DRC3: variants seen among roughly 807,000 people sequenced by gnomAD.
The protein encoded by DRC3 is leucine rich repeat containing 48.
Under a neutral mutation model 57.6 loss-of-function variants are expected in DRC3, and 45 were observed. The observed-to-expected ratio is 0.78, with a 90% CI of 0.62 to 1.00. The LOEUF (loss-of-function observed/expected upper bound fraction) is 1.00. Ranked by LOEUF, DRC3 falls within the 50% of genes least tolerant of loss-of-function variation. The probability of loss-of-function intolerance (pLI) is 0.00; values close to 1 mark genes in which losing one functional copy is unlikely to be tolerated. For missense variants in DRC3, 655 were observed against 675.2 expected (o/e 0.97, Z 0.33); for synonymous variants, 257 against 272.3 (o/e 0.94, Z 0.55).
At chr17:18,004,001 G>A (rs1256432852) in intron 9 of DRC3, among the ~76,000 whole-genome samples, 1 of 151,932 alleles carries the variant, frequency 6.6e-6, no homozygotes, top group African/African-American at 2.4e-5. Context: ...GGCATATTTT[G>A]GTGTGAAATG....
In DRC3 at chr17:18,016,083, C is replaced by T. The variant is rs78556652; in HGVS notation, c.1346C>T (p.Thr449Met). The T allele has an allele frequency of 6.3e-3, 10,215 of 1,613,872 alleles. 243 individuals carry two copies. The African/African-American group carries it at 0.072, about 11-fold the overall frequency. The change falls in exon 13 of 14, where the codon ACG (threonine) becomes ATG (methionine). Residue 449 changes from threonine (T) to methionine (M), a missense_variant. Physicochemically the swap from Thr to Met is moderately conservative, Grantham distance 81 (BLOSUM62 -1). Transcript: ENST00000399187. ...DLRALFVDKD[T>M]IVNAVGASHD... The stretch of plus-strand genomic sequence containing the variant: ...CACCAGCTTTTTGTCGATAAAGATA[C>T]GATTGTTAATGCTGTCGGGGCATCG...
chr17:18,001,434 T>TG (rs2043726424), intron 9 of DRC3, among the ~76,000 whole-genome samples: 2 of 151,978 alleles, frequency 1.3e-5, no homozygotes, highest in African/African-American at 4.8e-5. Flanking sequence ...ACCCAGGAGG[T>TG]GGAGGTTGCA....
At chr17:18,007,359 G>A in intron 12 of DRC3, 1 of 1,544,720 alleles carries the variant, frequency 6.5e-7, no homozygotes, top group Non-Finnish European at 8.8e-7. Context: ...CAGTTAAAGA[G>A]GAGCTCATGA....
At chr17:18,016,300 A>G (rs2044361484) in intron 13 of DRC3, 105 bp downstream of exon 13, 3 of 1,251,714 alleles carry the variant, frequency 2.4e-6, no homozygotes, top group Non-Finnish European at 3.4e-6. Context: ...AATGAAATGA[A>G]GGAAGAAATA....
Position 17,997,447 on chromosome 17 carries a change from A to C in DRC3, c.825-13A>C, listed in dbSNP as rs1354364823. ...TCCTGAAACAGCTGTGGGCTTCCTT[A>C]ACAGCCACTCACCTACAAGGACAAG... is the stretch of plus-strand genomic sequence containing the variant. On this transcript the variant is annotated splice_polypyrimidine_tract_variant and intron_variant, in intron 8 of 13. Coordinates refer to ENST00000399187, the MANE Select transcript of DRC3 (RefSeq NM_031294.4). 2 of 1,611,796 alleles carry C rather than the reference A, an allele frequency of 1.2e-6. No homozygotes were observed. The highest frequency in any genetic ancestry group is 2.2e-5 in the South Asian group (2 of 90,492).
chr17:17,988,435 G>A (rs2043065824), intron 5 of DRC3: 2 of 280,998 alleles, frequency 7.1e-6, no homozygotes, highest in East Asian at 9.9e-5. Flanking sequence ...AGAGACAGAC[G>A]AGATGTGGTC....
At chr17:17,986,934 C>T (rs183169222) in intron 4 of DRC3, among the ~76,000 whole-genome samples, 17 of 152,168 alleles carry the variant, frequency 1.1e-4, no homozygotes, top group African/African-American at 3.4e-4. Flanking sequence ...ACTTTTAGGC[C>T]GGACATGGTG....
At chr17:17,985,724 G>C (rs1419534743) in intron 4 of DRC3, among the ~76,000 whole-genome samples, 2 of 152,124 alleles carry the variant, frequency 1.3e-5, no homozygotes, top group Non-Finnish European at 2.9e-5. Context: ...TCAAATCAGG[G>C]GTTTTCCTCA....
At position 18,016,867 on chromosome 17, in the gene DRC3, T is replaced by C; in HGVS notation, c.*196T>C. The C allele has an allele frequency of 2.6e-6, 1 of 389,514 alleles. No individual in the cohort carries two copies. Among genetic ancestry groups the C allele is most frequent in the Non-Finnish European group, 4.4e-6 (1 of 226,190 alleles). The allele number at this position is 389,514 out of a possible 1,614,324, so 24.1% of individuals were successfully genotyped here. A position where few individuals can be genotyped will look rare whatever the true frequency, so the allele number is the denominator to read the frequency against. ...TAAAGGACTCATTTCACATTTCCCC[T>C]ACTCATAAAAAAAAAAAAAAAATCA... On this transcript the variant is annotated 3_prime_UTR_variant, in exon 14 of 14. Coordinates refer to ENST00000399187, the MANE Select transcript of DRC3 (RefSeq NM_031294.4).
intron 2 of DRC3, among the ~76,000 whole-genome samples, chr17:17,975,148 G>A (rs1455420412): frequency 6.6e-6 from 1 of 152,050 alleles, no homozygotes; most frequent in Non-Finnish European, 1.5e-5. Context: ...GATGAAGTAG[G>A]AGGGATAAGT....
intron 11 of DRC3, 56 bp downstream of exon 11, chr17:18,006,309 T>C (rs1465316506): frequency 3.1e-6 from 4 of 1,292,730 alleles, no homozygotes; most frequent in Non-Finnish European, 4.5e-6. Context: ...CCCCTGGGCT[T>C]GTCCCGGCCT....
intron 3 of DRC3, among the ~76,000 whole-genome samples, chr17:17,978,353 G>A (rs1286325916): frequency 2.6e-5 from 4 of 152,166 alleles, no homozygotes; most frequent in Non-Finnish European, 4.4e-5. Context: ...GCATTGGGTG[G>A]GGGGACAAGG....
At chr17:18,000,503 A>C (rs2043684710) in intron 9 of DRC3, among the ~76,000 whole-genome samples, 1 of 152,118 alleles carries the variant, frequency 6.6e-6, no homozygotes, top group South Asian at 2.1e-4. Flanking sequence ...GGTGAGCCAT[A>C]ATTATTTAGC....
chr17:18,003,006 G>A (rs868863135), intron 9 of DRC3, among the ~76,000 whole-genome samples: 9 of 152,182 alleles, frequency 5.9e-5, no homozygotes, highest in Admixed American at 3.3e-4. Context: ...TCAAGAAGCC[G>A]TTAGGGCCGA....
rs2044043214 is a variant in DRC3 at position 18,008,024 on chromosome 17, C to CT, written c.1326+878dup. ...CACCTTCTAGTGGCTTTCATGACCC[C>CT]TAGCGTCAGCTCCTCCCCATAGTCC... On this transcript the variant is annotated intron_variant, in intron 12 of 13. Coordinates refer to ENST00000399187, the MANE Select transcript of DRC3 (RefSeq NM_031294.4). This position sits in a 1 kb window ranked among gnomAD's most constrained non-coding sequence, Gnocchi z 4.3. 1 of 191,418 alleles carries CT rather than the reference C, an allele frequency of 5.2e-6. No homozygotes were observed. The highest frequency in any genetic ancestry group is 1.8e-4 in the South Asian group (1 of 5,578). 11.9% of individuals were successfully genotyped at this position (191,418 alleles called of 1,614,324 possible).
At chr17:18,000,000 C>T (rs537752133) in intron 9 of DRC3, among the ~76,000 whole-genome samples, 2 of 150,994 alleles carry the variant, frequency 1.3e-5, no homozygotes, top group East Asian at 2.0e-4. Flanking sequence ...GTGAGCATAG[C>T]ATGCCCTGTT....
chr17:17,977,654 A>G lies in DRC3; in HGVS notation c.56A>G (p.Lys19Arg). The change falls in exon 3 of 14, where the codon AAG becomes AGG. Residue 19 changes from lysine (K) to arginine (R), a missense_variant. Physicochemically the swap from Lys to Arg is conservative, Grantham distance 26. Coordinates refer to ENST00000399187, the MANE Select transcript of DRC3 (RefSeq NM_031294.4). ...AGGGTGATGGACGATGACATGCTCA[A>G]GCTGGCCGTCGGGGACCAGGGCCCC... is the stretch of plus-strand genomic sequence containing the variant. ...EPRVMDDDML[K>R]LAVGDQGPQE... 1 of 1,613,970 alleles carries G rather than the reference A, an allele frequency of 6.2e-7. No individual in the cohort carries two copies. Among genetic ancestry groups the G allele is most frequent in the Non-Finnish European group, 8.5e-7 (1 of 1,179,858 alleles).
In DRC3 at chr17:17,972,937, T is replaced by C. The variant is rs1396235558; in HGVS notation, c.-166T>C. ...TTCCCCAGCAACCGGGAGACGCGTC[T>C]GCTGCGTGGAACCGCCGAGTTCCCA... is the stretch of plus-strand genomic sequence containing the variant. On this transcript the variant is annotated 5_prime_UTR_variant, in exon 1 of 14. Transcript: ENST00000399187. 6.5e-6 allele frequency: 1 copy of C among 152,740 alleles called. No individual in the cohort carries two copies. 9.5% of individuals were successfully genotyped at this position (152,740 alleles called of 1,614,324 possible). A position where few individuals can be genotyped will look rare whatever the true frequency, so the allele number is the denominator to read the frequency against.
chr17:17,997,731 C>G, intron 9 of DRC3, 97 bp downstream of exon 9: 1 of 1,144,462 alleles, frequency 8.7e-7, no homozygotes, highest in South Asian at 1.7e-5. Flanking sequence ...CTCCTGTACC[C>G]TCTGATGACC....
Sources: allele counts gnomAD v4.1 joint callset (sites outside exome capture counted in the v4.1 genomes callset), GRCh38; gene constraint gnomAD v4.1.1; non-coding constraint Gnocchi (gnomAD v3.1); transcripts MANE v1.5; gene names NCBI Gene and HGNC (gene_info 2026-07-23, HGNC 2026-07-21).